The following DHX30 variants were observed in gnomAD, a reference collection of about 807,000 sequenced individuals.
DHX30 encodes the protein DExH-box helicase 30, also known as ATP-dependent RNA helicase DHX30.
DHX30 carries 4 observed loss-of-function variants against 116.9 expected under a neutral mutation model. The observed-to-expected ratio is 0.03, with a 90% CI of 0.02 to 0.08. The LOEUF is 0.08. Ranked by LOEUF, DHX30 falls within the 10% of genes least tolerant of loss-of-function variation. The probability of loss-of-function intolerance (pLI) is 1.00; values close to 1 mark genes in which losing one functional copy is unlikely to be tolerated. For missense variants in DHX30, 871 were observed against 1,595.1 expected (o/e 0.55, Z 7.73); for synonymous variants, 697 against 651.7 (o/e 1.07, Z -1.06).
intron 9 of DHX30, among the ~76,000 whole-genome samples, chr3:47,844,803 GAC>G (rs545082239): frequency 9.1e-4 from 138 of 152,346 alleles, no homozygotes; most frequent in Middle Eastern, 3.4e-3. Context: ...AGGGAGGTAA[GAC>G]ACAGTGTTTT....
intron 1 of DHX30, among the ~76,000 whole-genome samples, chr3:47,804,311 T>A (rs936552130): frequency 6.6e-6 from 1 of 152,150 alleles, no homozygotes; most frequent in African/African-American, 2.4e-5. Flanking sequence ...TCCCAGCACT[T>A]TGGGAGGCCG....
intron 6 of DHX30, chr3:47,830,786 G>A (rs2036810206): frequency 6.6e-6 from 1 of 152,200 alleles, no homozygotes; most frequent in African/African-American, 2.4e-5. Context: ...GTAGAGATGG[G>A]GTTTTTCCAT....
Position 47,847,719 on chromosome 3 carries a change from C to A in DHX30, c.2111-62C>A. ...GGGGTCAAAATCCTTGCCCTGCCCACATTCCAGGGGGGAATTCTGGTGGAA... is the reference window on the plus strand; with the variant it reads ...GGGGTCAAAATCCTTGCCCTGCCCAAATTCCAGGGGGGAATTCTGGTGGAA... On this transcript the variant is annotated intron_variant, in intron 13 of 21. Coordinates refer to ENST00000445061, the MANE Select transcript of DHX30 (RefSeq NM_138615.3). The surrounding 1 kb of genome is among the most constrained non-coding windows in gnomAD (Gnocchi z 5.5). The A allele has an allele frequency of 6.4e-7, 1 of 1,569,018 alleles. No homozygotes were observed. Among genetic ancestry groups the A allele is most frequent in the Admixed American group, 1.8e-5 (1 of 55,738 alleles).
At chr3:47,836,580 G>T (rs532228710) in intron 6 of DHX30, among the ~76,000 whole-genome samples, 1 of 151,190 alleles carries the variant, frequency 6.6e-6, no homozygotes, top group Non-Finnish European at 1.5e-5. Context: ...GTGCAGTGGC[G>T]CAATCTCGGC....
At chr3:47,803,664 C>T (rs911094674) in intron 1 of DHX30, among the ~76,000 whole-genome samples, 8 of 152,216 alleles carry the variant, frequency 5.3e-5, no homozygotes, top group African/African-American at 1.7e-4. Flanking sequence ...GAGGGAGGCC[C>T]GGTGCCTTCT....
At chr3:47,840,643 C>G (rs2037331146) in intron 6 of DHX30, among the ~76,000 whole-genome samples, 1 of 151,956 alleles carries the variant, frequency 6.6e-6, no homozygotes, top group Admixed American at 6.6e-5. Context: ...GTCAAAAAAA[C>G]AAAAAACAAA....
At chr3:47,828,925 C>G in intron 5 of DHX30, 99 bp from the exon 6 acceptor site, 1 of 708,630 alleles carries the variant, frequency 1.4e-6, no homozygotes, top group Non-Finnish European at 2.5e-6. Context: ...GCTGTGAGGT[C>G]TGCTGCTGTG....
intron 4 of DHX30, chr3:47,819,316 T>C (rs2036196162): frequency 4.4e-6 from 6 of 1,362,684 alleles, no homozygotes; most frequent in Non-Finnish European, 4.9e-6. Flanking sequence ...TGAAGACGGT[T>C]AGTCGGGGTT....
At chr3:47,817,518 G>A (rs2036110823) in intron 3 of DHX30, among the ~76,000 whole-genome samples, 1 of 152,178 alleles carries the variant, frequency 6.6e-6, no homozygotes, top group South Asian at 2.1e-4. Flanking sequence ...TAGCTCTCAA[G>A]CTGGACCCAC....
chr3:47,816,355 TC>T (rs2036055087), intron 3 of DHX30: 1 of 934,286 alleles, frequency 1.1e-6, no homozygotes, highest in Non-Finnish European at 1.2e-6. Flanking sequence ...AGAGCCGTCT[TC>T]TTTTTTTTTT....
chr3:47,819,418 C>A (rs1232443790), intron 4 of DHX30, among the ~76,000 whole-genome samples: 1 of 152,134 alleles, frequency 6.6e-6, no homozygotes, highest in Non-Finnish European at 1.5e-5. Flanking sequence ...TGGGGCAGCC[C>A]CACAAGTGCT....
intron 6 of DHX30, among the ~76,000 whole-genome samples, chr3:47,831,933 T>TC: frequency 6.7e-6 from 1 of 148,620 alleles, no homozygotes; most frequent in East Asian, 2.0e-4. Flanking sequence ...CCTTTTTCTT[T>TC]TTTTTTTTTT....
chr3:47,837,238 G>A (rs1489375825), intron 6 of DHX30, among the ~76,000 whole-genome samples: 1 of 152,220 alleles, frequency 6.6e-6, no homozygotes, highest in Non-Finnish European at 1.5e-5. Flanking sequence ...TCTGCCTGCT[G>A]GGCCATGCGG....
chr3:47,819,196 T>A, intron 4 of DHX30: 1 of 1,255,646 alleles, frequency 8.0e-7, no homozygotes, highest in Non-Finnish European at 1.1e-6. Context: ...TTGATTGCCC[T>A]TTTTTTTTTC....
At chr3:47,843,383 C>A in intron 9 of DHX30, 128 bp downstream of exon 9, 1 of 1,289,220 alleles carries the variant, frequency 7.8e-7, no homozygotes. Flanking sequence ...GGCACAAAGA[C>A]AGCTGGTATG....
Position 47,849,850 on chromosome 3 carries a change from C to T in DHX30, c.3332-17C>T. ...TGGCCTCACCACAGTTCCCCACCAT[C>T]TTTTCCATTCCCTCAGATGACGGGC... On this transcript the variant is annotated splice_polypyrimidine_tract_variant and intron_variant, in intron 21 of 21. Coordinates refer to ENST00000445061, the MANE Select transcript of DHX30 (RefSeq NM_138615.3). The T allele has an allele frequency of 6.2e-7, 1 of 1,611,160 alleles. No homozygotes were observed. Among genetic ancestry groups the T allele is most frequent in the South Asian group, 1.1e-5 (1 of 90,936 alleles).
At chr3:47,821,380 C>T (rs939310253) in intron 4 of DHX30, among the ~76,000 whole-genome samples, 2 of 152,136 alleles carry the variant, frequency 1.3e-5, no homozygotes, top group Non-Finnish European at 2.9e-5. Context: ...ATTCTCTTGC[C>T]CCAGCCCCCC....
rs138543873 is a variant in DHX30, at chr3:47,803,511, G to C, written c.-123+299G>C. On this transcript the variant is annotated intron_variant, in intron 1 of 21. Coordinates refer to ENST00000445061, the MANE Select transcript of DHX30 (RefSeq NM_138615.3). ...GCCAGGGGCTCCGCGGAGGCCGTGG[G>C]AGAGGCCGCTTCATTGGCGCAACGA... is the stretch of plus-strand genomic sequence containing the variant. Among the ~76,000 whole-genome samples the C allele has an allele frequency of 8.1e-3, 1,221 of 150,904 alleles. 10 individuals carry two copies. The highest frequency in any genetic ancestry group is 0.011 in the Non-Finnish European group (752 of 67,636).
chr3:47,810,614 C>G (rs2035747068), intron 2 of DHX30, 43 bp from the exon 3 acceptor site: 2 of 1,519,680 alleles, frequency 1.3e-6, no homozygotes, highest in East Asian at 4.5e-5. Context: ...GGTTGCTGGA[C>G]CAGGAATATT....
Sources: allele counts gnomAD v4.1 joint callset (sites outside exome capture counted in the v4.1 genomes callset), GRCh38; gene constraint gnomAD v4.1.1; non-coding constraint Gnocchi (gnomAD v3.1); transcripts MANE v1.5; gene names NCBI Gene and HGNC (gene_info 2026-07-23, HGNC 2026-07-21).